Variants in TMEM131 observed in about 807,000 individuals in gnomAD.
TMEM131 encodes the protein transmembrane protein 131.
In TMEM131, 66 loss-of-function variants were observed where a neutral mutation model predicts 211.6. The ratio of observed to expected loss-of-function variants is 0.31; its 90% confidence interval spans 0.26 to 0.38. The LOEUF (loss-of-function observed/expected upper bound fraction) is 0.38, where lower values mean the gene tolerates loss of function less well. Ranked by LOEUF, TMEM131 falls within the 10% of genes least tolerant of loss-of-function variation. The pLI is 1.00. For synonymous variants in TMEM131, 844 were observed against 841.3 expected (o/e 1.00, Z -0.06); for missense variants, 2,036 against 2,299.3 (o/e 0.89, Z 2.34).
chr2:97,805,592 G>A lies in TMEM131; in HGVS notation c.2167C>T (p.Arg723Trp), dbSNP rs200584346. Residue 723 changes from arginine (R) to tryptophan (W), a missense_variant, in exon 20 of 41, where the codon CGG becomes TGG. Transcript: ENST00000186436. The stretch of plus-strand genomic sequence containing the variant: ...GGCTCCAAGTCTTCCTTATTGCCCC[G>A]TAATCGTTTATAGTAAAATCGCACA... ...EDVRFYYKRLRGNKEDLEPGK... is the reference protein window; with the variant it reads ...EDVRFYYKRLWGNKEDLEPGK... The A allele has an allele frequency of 3.2e-5, 52 of 1,610,994 alleles. 1 individual carries two copies. The highest frequency in any genetic ancestry group is 1.7e-4 in the South Asian group (15 of 90,714).
At chr2:97,981,024 A>C in intron 1 of TMEM131, among the ~76,000 whole-genome samples, 1 of 122,534 alleles carries the variant, frequency 8.2e-6, no homozygotes, top group Non-Finnish European at 1.7e-5. Context: ...ACAGAACTAC[A>C]CACCAAAAAA....
chr2:97,793,598 T>C, intron 29 of TMEM131, 45 bp from the exon 30 acceptor site: 1 of 1,539,344 alleles, frequency 6.5e-7, no homozygotes, highest in Non-Finnish European at 8.8e-7. Context: ...CATTTGTTAG[T>C]AGACAAGCAA....
intron 28 of TMEM131, among the ~76,000 whole-genome samples, chr2:97,795,619 T>C (rs892577644): frequency 6.6e-6 from 1 of 152,196 alleles, no homozygotes; most frequent in East Asian, 1.9e-4. Context: ...GTGTCAAACA[T>C]TATGCCTTAT....
At chr2:97,885,074 T>C (rs1675088478) in intron 4 of TMEM131, among the ~76,000 whole-genome samples, 1 of 152,272 alleles carries the variant, frequency 6.6e-6, no homozygotes, top group Admixed American at 6.5e-5. Context: ...TACCAGTGAA[T>C]TTTATAGTTT....
At chr2:97,881,728 G>A (rs1175605001) in intron 4 of TMEM131, among the ~76,000 whole-genome samples, 5 of 135,048 alleles carry the variant, frequency 3.7e-5, no homozygotes, top group Non-Finnish European at 7.9e-5. Context: ...AAAAAAGGGG[G>A]GGGGGCGGGG....
intron 19 of TMEM131, among the ~76,000 whole-genome samples, chr2:97,807,811 AT>A (rs1219919494): frequency 1.4e-5 from 2 of 141,374 alleles, no homozygotes; most frequent in African/African-American, 5.5e-5. Flanking sequence ...AGGAAGAAAC[AT>A]GGCTCTTTTG....
intron 31 of TMEM131, among the ~76,000 whole-genome samples, chr2:97,789,331 A>C (rs1230563880): frequency 6.6e-6 from 1 of 152,210 alleles, no homozygotes; most frequent in Non-Finnish European, 1.5e-5. Context: ...CTTACCCTTG[A>C]GACCAAGTTC....
Position 97,796,987 on chromosome 2 carries a change from C to A in TMEM131, c.2871-1G>T. The A allele has an allele frequency of 6.2e-7, 1 of 1,608,294 alleles. No homozygotes were observed. Among genetic ancestry groups the A allele is most frequent in the Non-Finnish European group, 8.5e-7 (1 of 1,177,974 alleles). ...AGCATCCATCACAGTCAGGTTATTT[C>A]TATGCAAGAATGAGAATTACAGATT... On this transcript the variant is annotated splice_acceptor_variant, in intron 26 of 40. Transcript: ENST00000186436. LOFTEE classifies it high-confidence loss of function.
At chr2:97,859,586 A>G (rs1673982447) in intron 4 of TMEM131, among the ~76,000 whole-genome samples, 159 bp from the exon 5 acceptor site, 1 of 152,252 alleles carries the variant, frequency 6.6e-6, no homozygotes, top group African/African-American at 2.4e-5. Flanking sequence ...AAATGCATTT[A>G]GTCTTTCAAT....
intron 31 of TMEM131, among the ~76,000 whole-genome samples, chr2:97,778,855 C>G (rs1004722897): frequency 7.2e-5 from 11 of 152,178 alleles, no homozygotes; most frequent in African/African-American, 2.7e-4. Context: ...CCCTAGAGAT[C>G]TGCCCTTGGA....
intron 25 of TMEM131, among the ~76,000 whole-genome samples, chr2:97,799,941 A>C (rs1400437112): frequency 6.6e-6 from 1 of 152,228 alleles, no homozygotes; most frequent in Non-Finnish European, 1.5e-5. Flanking sequence ...GCCATTAAAG[A>C]GAGTTGTAAA....
At chr2:97,946,001 G>A (rs1678019375) in intron 1 of TMEM131, among the ~76,000 whole-genome samples, 1 of 152,044 alleles carries the variant, frequency 6.6e-6, no homozygotes, top group African/African-American at 2.4e-5. Context: ...GACTACAGTG[G>A]TATTATAGCC....
rs756090764 is a variant in TMEM131, at chr2:97,759,731, G to A, written c.5127C>T (p.Pro1709=). The change falls in exon 39 of 41, where the codon CCC becomes CCT. Residue 1709 remains proline (P), a synonymous_variant. Transcript: ENST00000186436. ...DGSDSSGLWS[P]VSNPSSPDFT... ...AGTCAGGGCTGCTTGGGTTGCTGACGGGACTCCACAAACCCGAGCTAAATG... is the reference window on the plus strand; with the variant it reads ...AGTCAGGGCTGCTTGGGTTGCTGACAGGACTCCACAAACCCGAGCTAAATG... 56 of 1,613,184 alleles carry A rather than the reference G, an allele frequency of 3.5e-5. No homozygotes were observed. Among genetic ancestry groups the A allele is most frequent in the African/African-American group, 8.0e-5 (6 of 75,030 alleles).
intron 31 of TMEM131, among the ~76,000 whole-genome samples, chr2:97,781,149 C>G (rs1412340997): frequency 6.6e-6 from 1 of 152,236 alleles, no homozygotes; most frequent in Non-Finnish European, 1.5e-5. Context: ...GCATGGACCC[C>G]CTTGGCTCTA....
At chr2:97,989,669 T>C (rs1559494311) in intron 1 of TMEM131, among the ~76,000 whole-genome samples, 2 of 152,018 alleles carry the variant, frequency 1.3e-5, no homozygotes, top group African/African-American at 2.4e-5. Context: ...AAAACGTAGG[T>C]TTCATACTCT....
intron 1 of TMEM131, among the ~76,000 whole-genome samples, chr2:97,928,527 T>G (rs1677082453): frequency 6.6e-6 from 1 of 151,678 alleles, no homozygotes; most frequent in South Asian, 2.1e-4. Flanking sequence ...ATGCATAAAA[T>G]GACAAAACAA....
At chr2:97,828,535 T>C (rs1197933385) in intron 11 of TMEM131, among the ~76,000 whole-genome samples, 3 of 152,152 alleles carry the variant, frequency 2.0e-5, no homozygotes, top group Non-Finnish European at 2.9e-5. Context: ...ATTATCCTAC[T>C]ACCACAAACT....
intron 11 of TMEM131, among the ~76,000 whole-genome samples, chr2:97,833,040 A>C (rs1682781920): frequency 6.6e-6 from 1 of 152,176 alleles, no homozygotes; most frequent in Non-Finnish European, 1.5e-5. Flanking sequence ...ATCTGATGAA[A>C]TCCTTATAAC....
chr2:97,810,676 C>T (rs945863200), intron 18 of TMEM131, among the ~76,000 whole-genome samples: 6 of 152,146 alleles, frequency 3.9e-5, no homozygotes, highest in Non-Finnish European at 5.9e-5. Flanking sequence ...CCTTTAGTCC[C>T]TTGACTTTGA....
Sources: gnomAD v4.1 joint callset for allele counts (sites outside exome capture counted in the v4.1 genomes callset) on GRCh38, gnomAD v4.1.1 for gene constraint, MANE v1.5 for transcripts, NCBI Gene and HGNC (gene_info 2026-07-23, HGNC 2026-07-21) for gene names.